Variants in RAMP1 observed in about 807,000 individuals in gnomAD.
The protein encoded by RAMP1 is receptor activity-modifying protein 1.
A neutral mutation model predicts 8.2 loss-of-function variants in RAMP1; 7 were observed. The ratio of observed to expected loss-of-function variants is 0.85; its 90% CI spans 0.49 to 1.60. The LOEUF (loss-of-function observed/expected upper bound fraction) is 1.60, where lower values mean the gene tolerates loss of function less well. Ranked by LOEUF, RAMP1 falls within the 40% of genes most tolerant of loss-of-function variation. RAMP1 has a pLI of 0.00. For synonymous variants in RAMP1, 92 were observed against 84.7 expected (o/e 1.09, Z -0.47); for missense variants, 192 against 202.4 (o/e 0.95, Z 0.31).
chr2:237,896,933 G>A (rs774386647), intron 2 of RAMP1, among the ~76,000 whole-genome samples: 4 of 152,300 alleles, frequency 2.6e-5, no homozygotes, highest in African/African-American at 9.6e-5. Context: ...GCAGGCGTGA[G>A]CCACTGCACC....
In RAMP1 at chr2:237,865,472, T is replaced by G. The variant is rs1559934593; in HGVS notation, c.52+5745T>G. On this transcript the variant is annotated intron_variant, in intron 1 of 2. Coordinates refer to ENST00000254661, the MANE Select transcript of RAMP1 (RefSeq NM_005855.4). This position sits in a 1 kb window ranked among gnomAD's most constrained non-coding sequence, Gnocchi z 4.2. The stretch of plus-strand genomic sequence containing the variant: ...AAACAAGAAGCATAAGCCTGTCTCA[T>G]ACAGTATCGGGAACATGCCTCAAAA... 6.6e-6 allele frequency among the ~76,000 whole-genome samples: 1 copy of G among 151,964 alleles called. No individual in the cohort carries two copies. The highest frequency in any genetic ancestry group is 1.5e-5 in the Non-Finnish European group (1 of 67,978).
chr2:237,891,911 T>A (rs1282512930), intron 2 of RAMP1, among the ~76,000 whole-genome samples: 1 of 152,260 alleles, frequency 6.6e-6, no homozygotes, highest in Non-Finnish European at 1.5e-5. Context: ...TTCCATGTAA[T>A]TATGCTGCCA....
intron 2 of RAMP1, among the ~76,000 whole-genome samples, chr2:237,890,309 C>T (rs994352822): frequency 1.3e-5 from 2 of 151,954 alleles, no homozygotes; most frequent in African/African-American, 2.4e-5. Context: ...TCAAGTGATC[C>T]TCCTGCCTCA....
At chr2:237,905,512 C>T (rs564578913) in intron 2 of RAMP1, among the ~76,000 whole-genome samples, 4 of 152,302 alleles carry the variant, frequency 2.6e-5, no homozygotes, top group South Asian at 2.1e-4. Context: ...TCTGTGGTGG[C>T]GTGGCTTCCT....
intron 2 of RAMP1, among the ~76,000 whole-genome samples, chr2:237,890,740 T>G (rs980806375): frequency 6.6e-6 from 1 of 151,836 alleles, no homozygotes; most frequent in Non-Finnish European, 1.5e-5. Context: ...CCTTTACGTG[T>G]TTAATATCCC....
rs756569939 is a variant in RAMP1, at chr2:237,862,478, G to A, written c.52+2751G>A. Among the ~76,000 whole-genome samples, 4 of 152,164 alleles carry A rather than the reference G, an allele frequency of 2.6e-5. No individual in the cohort carries two copies. Among genetic ancestry groups the A allele is most frequent in the Non-Finnish European group, 4.4e-5 (3 of 68,036 alleles). On this transcript the variant is annotated intron_variant, in intron 1 of 2. Coordinates refer to ENST00000254661, the MANE Select transcript of RAMP1 (RefSeq NM_005855.4). This position sits in a 1 kb window ranked among gnomAD's most constrained non-coding sequence, Gnocchi z 4.0. ...CAGTGCAAATGGTAGATTCAGCTCCGGGAAATGTTTTAGGTGGAATCTTTA... is the reference window on the plus strand; with the variant it reads ...CAGTGCAAATGGTAGATTCAGCTCCAGGAAATGTTTTAGGTGGAATCTTTA...
chr2:237,864,618 G>T (rs1394201745), intron 1 of RAMP1, among the ~76,000 whole-genome samples: 1 of 152,232 alleles, frequency 6.6e-6, no homozygotes, highest in Admixed American at 6.5e-5. Context: ...CCAGGGTCAG[G>T]ACTCGGAGGG....
intron 1 of RAMP1, among the ~76,000 whole-genome samples, chr2:237,870,850 C>G (rs1434333388): frequency 6.6e-6 from 1 of 152,148 alleles, no homozygotes; most frequent in Non-Finnish European, 1.5e-5. Context: ...TAAGAGTGAG[C>G]AACACGGATG....
At chr2:237,902,095 G>A (rs1322984173) in intron 2 of RAMP1, among the ~76,000 whole-genome samples, 3 of 152,010 alleles carry the variant, frequency 2.0e-5, no homozygotes, top group Non-Finnish European at 2.9e-5. Context: ...GGGAGAATGG[G>A]GAACTCTCAG....
intron 1 of RAMP1, among the ~76,000 whole-genome samples, chr2:237,866,109 G>A (rs1559934824): frequency 6.6e-6 from 1 of 152,060 alleles, no homozygotes; most frequent in Non-Finnish European, 1.5e-5. Flanking sequence ...ATTACATCAA[G>A]ACCACCGGCT....
chr2:237,863,163 G>A (rs1457702133), intron 1 of RAMP1, among the ~76,000 whole-genome samples: 1 of 152,204 alleles, frequency 6.6e-6, no homozygotes, highest in African/African-American at 2.4e-5. Flanking sequence ...AAGAAGAGGT[G>A]CTGCAGCCAG....
intron 2 of RAMP1, among the ~76,000 whole-genome samples, chr2:237,889,481 G>A (rs1266559906): frequency 2.0e-5 from 3 of 152,116 alleles, no homozygotes; most frequent in African/African-American, 7.2e-5. Context: ...CTTCCTATGT[G>A]CATTAGAGTC....
In RAMP1 at chr2:237,877,078, C is replaced by T; in HGVS notation, c.53-146C>T. The T allele has an allele frequency of 2.1e-6, 2 of 954,530 alleles. No individual in the cohort carries two copies. The highest frequency in any genetic ancestry group is 3.2e-6 in the Non-Finnish European group (2 of 630,736). The allele number at this position is 954,530 out of a possible 1,614,324, so 59.1% of individuals were successfully genotyped here. A position where few individuals can be genotyped will look rare whatever the true frequency, so the allele number is the denominator to read the frequency against. Reference sequence around the variant, plus strand: ...CACAGAACAATTGATGAAGAGCGTCCACTTGGAGCCACAGTCGCCCTCTCC... The same window carrying T: ...CACAGAACAATTGATGAAGAGCGTCTACTTGGAGCCACAGTCGCCCTCTCC... On this transcript the variant is annotated intron_variant, in intron 1 of 2. Coordinates refer to ENST00000254661, the MANE Select transcript of RAMP1 (RefSeq NM_005855.4). This position sits in a 1 kb window ranked among gnomAD's most constrained non-coding sequence, Gnocchi z 4.4.
chr2:237,879,292 A>T (rs1450604014), intron 2 of RAMP1, among the ~76,000 whole-genome samples: 3 of 151,982 alleles, frequency 2.0e-5, no homozygotes, highest in Admixed American at 2.0e-4. Context: ...CAGCAGGGTA[A>T]TGCACACAGT....
intron 2 of RAMP1, among the ~76,000 whole-genome samples, chr2:237,882,501 C>T (rs572152644): frequency 3.7e-4 from 56 of 152,302 alleles, no homozygotes; most frequent in African/African-American, 1.3e-3. Flanking sequence ...AGCTGGTACC[C>T]ATGGCTCCCT....
intron 2 of RAMP1, among the ~76,000 whole-genome samples, chr2:237,907,006 A>C (rs542690153): frequency 1.3e-4 from 20 of 152,294 alleles, no homozygotes; most frequent in African/African-American, 4.8e-4. Flanking sequence ...CACAGGTGTG[A>C]GCCAATGTGC....
intron 2 of RAMP1, among the ~76,000 whole-genome samples, chr2:237,886,257 C>A (rs923201986): frequency 6.6e-6 from 1 of 152,164 alleles, no homozygotes; most frequent in Admixed American, 6.5e-5. Flanking sequence ...CCTTGGCGCG[C>A]GTGACCGTGG....
chr2:237,889,006 C>G (rs1207288694), intron 2 of RAMP1, among the ~76,000 whole-genome samples: 1 of 152,192 alleles, frequency 6.6e-6, no homozygotes, highest in African/African-American at 2.4e-5. Flanking sequence ...CTCCTGACCT[C>G]AAGTGATCCA....
At chr2:237,910,431 T>TGTCACACACTCAGAGAATAACA (rs2062698921) in intron 2 of RAMP1, among the ~76,000 whole-genome samples, 1 of 145,356 alleles carries the variant, frequency 6.9e-6, no homozygotes, top group Non-Finnish European at 1.5e-5. Context: ...ACACATAGAA[T>TGTCACACACTCAGAGAATAACA]GTCACACACT....
Sources: gnomAD v4.1 joint callset for allele counts (sites outside exome capture counted in the v4.1 genomes callset) on GRCh38, gnomAD v4.1.1 for gene constraint, Gnocchi (gnomAD v3.1) non-coding constraint, MANE v1.5 for transcripts, NCBI Gene and HGNC (gene_info 2026-07-23, HGNC 2026-07-21) for gene names.